The following AGBL3 variants were observed in gnomAD, a reference collection of about 807,000 sequenced individuals.
AGBL3 encodes the protein cytosolic carboxypeptidase 3.
A neutral mutation model predicts 94.5 loss-of-function variants in AGBL3; 68 were observed. That is an observed-to-expected ratio of 0.72 (90% CI 0.59 to 0.88). The LOEUF is 0.88. Ranked by LOEUF, AGBL3 falls within the 40% of genes least tolerant of loss-of-function variation. AGBL3 has a pLI of 0.00. For synonymous variants in AGBL3, 354 were observed against 370.7 expected (o/e 0.95, Z 0.52); for missense variants, 934 against 1,103.8 (o/e 0.85, Z 2.18).
chr7:135,095,488 T>G (rs1822530222), intron 15 of AGBL3, among the ~76,000 whole-genome samples: 1 of 152,190 alleles, frequency 6.6e-6, no homozygotes, highest in Admixed American at 6.5e-5. Flanking sequence ...AACAGTCCAA[T>G]TCCTTGTCAG....
At chr7:135,100,519 G>A (rs182936764) in intron 15 of AGBL3, among the ~76,000 whole-genome samples, 1 of 152,150 alleles carries the variant, frequency 6.6e-6, no homozygotes, top group Non-Finnish European at 1.5e-5. Flanking sequence ...ACAACAGAGA[G>A]ACCATGGTAT....
intron 15 of AGBL3, among the ~76,000 whole-genome samples, chr7:135,091,332 C>G (rs1198956580): frequency 1.3e-5 from 2 of 152,004 alleles, no homozygotes; most frequent in East Asian, 3.9e-4. Flanking sequence ...TCCAGGACCC[C>G]CATGTATACC....
At chr7:135,071,965 G>A (rs1819955344) in intron 12 of AGBL3, among the ~76,000 whole-genome samples, 1 of 152,148 alleles carries the variant, frequency 6.6e-6, no homozygotes, top group South Asian at 2.1e-4. Flanking sequence ...TACCATCAGA[G>A]TGAACAGGCA....
intron 16 of AGBL3, among the ~76,000 whole-genome samples, chr7:135,125,259 A>G (rs1025968722): frequency 8.5e-5 from 13 of 152,318 alleles, no homozygotes; most frequent in African/African-American, 2.4e-4. Flanking sequence ...AGAGAATACT[A>G]TCAACACCTT....
At chr7:135,041,548 T>C (rs898612391) in intron 8 of AGBL3, among the ~76,000 whole-genome samples, 92 of 152,170 alleles carry the variant, frequency 6.0e-4, no homozygotes, top group African/African-American at 2.2e-3. Context: ...TGAACATCCA[T>C]CTAAAAAACA....
At chr7:135,119,694 G>A (rs13242880) in intron 16 of AGBL3, among the ~76,000 whole-genome samples, 3 of 151,998 alleles carry the variant, frequency 2.0e-5, no homozygotes, top group African/African-American at 7.2e-5. Flanking sequence ...TGGCTAACAC[G>A]GTGAAACCCC....
At chr7:134,989,719 T>C (rs1809980549) in intron 3 of AGBL3, among the ~76,000 whole-genome samples, 1 of 152,192 alleles carries the variant, frequency 6.6e-6, no homozygotes, top group Non-Finnish European at 1.5e-5. Flanking sequence ...GTATACTTAA[T>C]TTTTAAAGAT....
intron 4 of AGBL3, chr7:135,010,811 A>T (rs1813050786): frequency 6.6e-6 from 1 of 152,200 alleles, no homozygotes; most frequent in Admixed American, 6.5e-5. Context: ...GCATTGAGAG[A>T]GATTTTTAAA....
intron 14 of AGBL3, among the ~76,000 whole-genome samples, chr7:135,081,293 G>A (rs984008394): frequency 4.0e-5 from 6 of 151,878 alleles, no homozygotes; most frequent in South Asian, 2.1e-4. Context: ...CATAATCATC[G>A]CATTATTTTG....
At chr7:135,103,707 G>C (rs1824213478) in intron 15 of AGBL3, among the ~76,000 whole-genome samples, 1 of 152,154 alleles carries the variant, frequency 6.6e-6, no homozygotes, top group Non-Finnish European at 1.5e-5. Flanking sequence ...CTGAAAGTTG[G>C]AATCTGGACA....
At chr7:135,056,782 AGAT>A (rs1329883062) in intron 11 of AGBL3, among the ~76,000 whole-genome samples, 1 of 152,164 alleles carries the variant, frequency 6.6e-6, no homozygotes, top group Non-Finnish European at 1.5e-5. Context: ...ATAGACAGGA[AGAT>A]GATATTGTTA....
rs117101817 is a variant in AGBL3, at chr7:135,033,953, A to C, written c.558-196A>C. 3.6e-3 allele frequency among the ~76,000 whole-genome samples: 552 copies of C among 152,350 alleles called. 4 individuals are homozygous for C. Among genetic ancestry groups the C allele is most frequent in the South Asian group, 0.024 (117 of 4,834 alleles). Reference sequence around the variant, plus strand: ...AATACAAAGGATTTAGAATTAGCATAGAAGCAGTTTCTCATCCAATAAAAG... The same window carrying C: ...AATACAAAGGATTTAGAATTAGCATCGAAGCAGTTTCTCATCCAATAAAAG... On this transcript the variant is annotated intron_variant, in intron 6 of 16. Coordinates refer to ENST00000436302, the MANE Select transcript of AGBL3 (RefSeq NM_178563.4).
intron 4 of AGBL3, among the ~76,000 whole-genome samples, chr7:135,007,859 C>T (rs187310109): frequency 2.6e-5 from 4 of 152,008 alleles, no homozygotes; most frequent in Non-Finnish European, 2.9e-5. Context: ...TTTCTATGCA[C>T]TTATAATAAA....
intron 15 of AGBL3, among the ~76,000 whole-genome samples, chr7:135,109,750 G>A (rs775819685): frequency 1.6e-4 from 24 of 152,168 alleles, no homozygotes; most frequent in Non-Finnish European, 3.4e-4. Context: ...AAAGCAGTCT[G>A]ACCACTTTTA....
At position 135,044,109 on chromosome 7, in the gene AGBL3, A is replaced by C. The variant is rs1220754375; in HGVS notation, c.1585A>C (p.Asn529His). The change falls in exon 9 of 17, where the codon AAC becomes CAC. Residue 529 changes from asparagine (N) to histidine (H), a missense_variant. Asn to His is a moderately conservative substitution (Grantham distance 68, BLOSUM62 1). Coordinates refer to ENST00000436302, the MANE Select transcript of AGBL3 (RefSeq NM_178563.4). ...RVVMWKMGIR[N>H]SFTMEATFCG... Reference sequence around the variant, plus strand: ...GGTAATGTGGAAAATGGGAATCAGGAACAGCTTTACCATGGAGGCCACCTT... The same window carrying C: ...GGTAATGTGGAAAATGGGAATCAGGCACAGCTTTACCATGGAGGCCACCTT... The C allele has an allele frequency of 8.4e-6, 13 of 1,550,806 alleles. No homozygotes were observed. Among genetic ancestry groups the C allele is most frequent in the Non-Finnish European group, 1.0e-5 (12 of 1,146,252 alleles).
chr7:135,090,086 A>G (rs1188471883), intron 15 of AGBL3, among the ~76,000 whole-genome samples: 1 of 152,174 alleles, frequency 6.6e-6, no homozygotes, highest in East Asian at 1.9e-4. Flanking sequence ...TGGGCCCAGC[A>G]GGCAGGATAT....
At chr7:134,988,990 CTT>C (rs1210064020) in intron 2 of AGBL3, among the ~76,000 whole-genome samples, 3 of 133,590 alleles carry the variant, frequency 2.2e-5, no homozygotes, top group Non-Finnish European at 4.4e-5. Flanking sequence ...AATCTTTAAA[CTT>C]TATTCCTTCC....
intron 12 of AGBL3, among the ~76,000 whole-genome samples, chr7:135,074,103 TG>T (rs1459231669): frequency 2.0e-5 from 3 of 152,224 alleles, no homozygotes; most frequent in Non-Finnish European, 2.9e-5. Flanking sequence ...GTGGTAACTA[TG>T]TGAGGTGATA....
intron 12 of AGBL3, among the ~76,000 whole-genome samples, chr7:135,061,987 C>T (rs1202290063): frequency 2.0e-5 from 3 of 152,016 alleles, no homozygotes; most frequent in African/African-American, 7.2e-5. Flanking sequence ...GACAATTTGA[C>T]AATATTAATT....
Sources: gnomAD v4.1 joint callset for allele counts (sites outside exome capture counted in the v4.1 genomes callset) on GRCh38, gnomAD v4.1.1 for gene constraint, MANE v1.5 for transcripts, NCBI Gene and HGNC (gene_info 2026-07-23, HGNC 2026-07-21) for gene names.